Variants in ROBO2 observed in about 807,000 individuals in gnomAD.
ROBO2 encodes the protein roundabout guidance receptor 2.
A neutral mutation model predicts 160.8 loss-of-function variants in ROBO2; 53 were observed. That is an observed-to-expected ratio of 0.33 (90% CI 0.26 to 0.41). The LOEUF (loss-of-function observed/expected upper bound fraction) is 0.41, where lower values mean the gene tolerates loss of function less well. Ranked by LOEUF, ROBO2 falls within the 10% of genes least tolerant of loss-of-function variation. The probability of loss-of-function intolerance (pLI) is 1.00; values close to 1 mark genes in which losing one functional copy is unlikely to be tolerated. For synonymous variants in ROBO2, 664 were observed against 611.7 expected, an observed-to-expected ratio of 1.09 and a Z score of -1.26; for missense variants, 1,577 against 1,722.4, an observed-to-expected ratio of 0.92 and a Z score of 1.49.
chr3:76,513,110 T>C (rs2081184074), intron 2 of ROBO2, among the ~76,000 whole-genome samples: 1 of 152,134 alleles, frequency 6.6e-6, no homozygotes, highest in Admixed American at 6.5e-5. Flanking sequence ...TCAAGGAAGT[T>C]CTCTTGACAA....
chr3:77,485,596 TG>T (rs2085257244), intron 4 of ROBO2, among the ~76,000 whole-genome samples: 1 of 152,058 alleles, frequency 6.6e-6, no homozygotes, highest in South Asian at 2.1e-4. Context: ...TTCAATGAAA[TG>T]TTTAATTTTT....
intron 2 of ROBO2, among the ~76,000 whole-genome samples, chr3:77,462,096 A>T (rs565682986): frequency 6.6e-6 from 1 of 152,342 alleles, no homozygotes; most frequent in Non-Finnish European, 1.5e-5. Context: ...AACTTTTTAT[A>T]AAATTGATAA....
chr3:76,864,798 A>G (rs1049223780), intron 2 of ROBO2, among the ~76,000 whole-genome samples: 1 of 152,118 alleles, frequency 6.6e-6, no homozygotes, highest in Non-Finnish European at 1.5e-5. Context: ...AAAATCAATA[A>G]TGATCTAAAC....
At chr3:76,181,611 A>G (rs927378866) in intron 2 of ROBO2, among the ~76,000 whole-genome samples, 1 of 152,168 alleles carries the variant, frequency 6.6e-6, no homozygotes, top group Non-Finnish European at 1.5e-5. Context: ...AAATATTTCA[A>G]TGACTTTACT....
intron 2 of ROBO2, among the ~76,000 whole-genome samples, chr3:77,381,692 T>C (rs937070435): frequency 1.3e-5 from 2 of 152,172 alleles, no homozygotes; most frequent in African/African-American, 4.8e-5. Flanking sequence ...AGAAGAAAAA[T>C]GACTTCAGGC....
At chr3:76,170,258 TTCCCTTTTAAAA>T (rs1199371458) in intron 2 of ROBO2, among the ~76,000 whole-genome samples, 1 of 152,206 alleles carries the variant, frequency 6.6e-6, no homozygotes, top group African/African-American at 2.4e-5. Context: ...CATTTTTCAA[TTCCCTTTTAAAA>T]TCCCTTTGCT....
chr3:76,817,610 C>A (rs2065783473), intron 2 of ROBO2, among the ~76,000 whole-genome samples: 1 of 152,004 alleles, frequency 6.6e-6, no homozygotes. Flanking sequence ...GCAGTGTACA[C>A]TGCACCCAAT....
At chr3:77,116,147 G>A (rs555438379) in intron 2 of ROBO2, among the ~76,000 whole-genome samples, 1 of 152,330 alleles carries the variant, frequency 6.6e-6, no homozygotes, top group Non-Finnish European at 1.5e-5. Context: ...AATCAGTAAT[G>A]TTTGTGGTCA....
chr3:76,069,394 T>G (rs7620001), intron 2 of ROBO2, among the ~76,000 whole-genome samples: 98,611 of 152,040 alleles, frequency 0.65, 33,099 homozygotes, highest in African/African-American at 0.83. Flanking sequence ...TGCTTTTAAA[T>G]TGAATACCAG....
intron 2 of ROBO2, among the ~76,000 whole-genome samples, chr3:76,148,877 A>G (rs954443995): frequency 3.9e-5 from 6 of 151,914 alleles, no homozygotes; most frequent in Admixed American, 3.3e-4. Context: ...TCTTTTCACT[A>G]TTCCATCTAT....
intron 2 of ROBO2, among the ~76,000 whole-genome samples, chr3:77,247,417 T>G (rs1249908805): frequency 6.6e-6 from 1 of 152,260 alleles, no homozygotes; most frequent in South Asian, 2.1e-4. Flanking sequence ...CGCAAGGACA[T>G]TAGTCTGAGT....
chr3:77,212,806 G>A (rs529934531), intron 2 of ROBO2, among the ~76,000 whole-genome samples: 21 of 152,268 alleles, frequency 1.4e-4, no homozygotes, highest in African/African-American at 4.8e-4. Context: ...TTTTGTCAAA[G>A]GCCTTTTCTG....
chr3:76,312,193 A>G (rs1010339494), intron 2 of ROBO2, among the ~76,000 whole-genome samples: 3 of 152,142 alleles, frequency 2.0e-5, no homozygotes, highest in Admixed American at 6.5e-5. Context: ...TTGGAGAAAA[A>G]TCTTGATGGG....
intron 7 of ROBO2, among the ~76,000 whole-genome samples, chr3:77,549,866 C>T (rs1160745776): frequency 6.6e-6 from 1 of 151,900 alleles, no homozygotes; most frequent in African/African-American, 2.4e-5. Context: ...AAATTAATTA[C>T]TATATGGAGA....
At chr3:76,731,544 A>G (rs1268498311) in intron 2 of ROBO2, among the ~76,000 whole-genome samples, 3 of 151,842 alleles carry the variant, frequency 2.0e-5, no homozygotes, top group East Asian at 1.9e-4. Context: ...AGTTAATACT[A>G]CTCCTTTCTG....
At chr3:77,148,172 C>T (rs571142616) in intron 2 of ROBO2, among the ~76,000 whole-genome samples, 2 of 152,326 alleles carry the variant, frequency 1.3e-5, no homozygotes, top group East Asian at 3.9e-4. Context: ...GTTTGAAATA[C>T]TTCTGTGCTT....
At chr3:76,460,759 G>C (rs1194233497) in intron 2 of ROBO2, among the ~76,000 whole-genome samples, 2 of 152,140 alleles carry the variant, frequency 1.3e-5, no homozygotes. Context: ...CCACTATAGA[G>C]TTTCTGACCT....
At chr3:76,175,200 G>A (rs561092421) in intron 2 of ROBO2, among the ~76,000 whole-genome samples, 107 of 151,804 alleles carry the variant, frequency 7.0e-4, no homozygotes, top group Non-Finnish European at 1.2e-3. Flanking sequence ...GTGATTTTTG[G>A]ACATTGATTT....
intron 2 of ROBO2, among the ~76,000 whole-genome samples, chr3:76,887,025 G>C (rs1485813261): frequency 6.6e-6 from 1 of 152,060 alleles, no homozygotes. Context: ...GGTGTTCTAA[G>C]GTATTCTTAT....
Sources: allele counts gnomAD v4.1 joint callset (sites outside exome capture counted in the v4.1 genomes callset), GRCh38; gene constraint gnomAD v4.1.1; transcripts MANE v1.5; gene names NCBI Gene and HGNC (gene_info 2026-07-23, HGNC 2026-07-21).